Variants in ANO4 observed in about 807,000 individuals in gnomAD.
ANO4 encodes the protein anoctamin-4.
In ANO4, 69 loss-of-function variants were observed where a neutral mutation model predicts 141.9. The ratio of observed to expected loss-of-function variants is 0.49; its 90% CI spans 0.40 to 0.59. The LOEUF is 0.59. ANO4 is among the 20% of genes least tolerant of loss of function. The probability of loss-of-function intolerance (pLI) is 0.00; values close to 1 mark genes in which losing one functional copy is unlikely to be tolerated. For synonymous variants in ANO4, 350 were observed against 394.3 expected, an observed-to-expected ratio of 0.89 and a Z score of 1.33; for missense variants, 894 against 1,162.2, an observed-to-expected ratio of 0.77 and a Z score of 3.36.
At chr12:100,784,492 T>G (rs2033804314) in intron 3 of ANO4, among the ~76,000 whole-genome samples, 1 of 152,204 alleles carries the variant, frequency 6.6e-6, no homozygotes, top group Non-Finnish European at 1.5e-5. Context: ...TCCTCTCTCT[T>G]ATTGTTGTAA....
At chr12:101,004,146 C>G (rs2045771374) in intron 8 of ANO4, among the ~76,000 whole-genome samples, 1 of 53,098 alleles carries the variant, frequency 1.9e-5, no homozygotes, top group Admixed American at 1.8e-4. Context: ...AAAAAGGATA[C>G]TGTGGGGGAA....
intron 7 of ANO4, among the ~76,000 whole-genome samples, chr12:100,986,882 T>C (rs2044730905): frequency 6.6e-6 from 1 of 152,208 alleles, no homozygotes; most frequent in African/African-American, 2.4e-5. Flanking sequence ...AAACCACTTT[T>C]AGGATACTGT....
chr12:100,797,291 T>G (rs1777108816), intron 1 of ANO4, among the ~76,000 whole-genome samples: 1 of 151,540 alleles, frequency 6.6e-6, no homozygotes, highest in East Asian at 1.9e-4. Context: ...TTTTTTTTTT[T>G]GGTAAGGATT....
At chr12:100,863,697 G>A (rs2038602658) in intron 1 of ANO4, among the ~76,000 whole-genome samples, 2 of 152,162 alleles carry the variant, frequency 1.3e-5, no homozygotes, top group African/African-American at 4.8e-5. Context: ...AATAATTGTG[G>A]CAATTACTTA....
intron 1 of ANO4, among the ~76,000 whole-genome samples, chr12:100,820,335 C>T (rs7966442): frequency 0.2 from 28,150 of 141,052 alleles, 3,155 homozygotes; most frequent in African/African-American, 0.32. Flanking sequence ...CCATTCACCC[C>T]AGCAAGAAAG....
At chr12:101,094,358 CT>C (rs1335431249) in intron 18 of ANO4, 66 bp downstream of exon 18, 3 of 1,323,026 alleles carry the variant, frequency 2.3e-6, no homozygotes, top group Admixed American at 2.1e-5. Context: ...TCAAAGATTC[CT>C]TTCTCTAATA....
chr12:100,806,440 T>C (rs924096005), intron 1 of ANO4, among the ~76,000 whole-genome samples: 1 of 151,726 alleles, frequency 6.6e-6, no homozygotes, highest in Non-Finnish European at 1.5e-5. Flanking sequence ...TTCTATGAGC[T>C]AACTCTTTGT....
chr12:101,119,702 G>A (rs899017205), intron 25 of ANO4, among the ~76,000 whole-genome samples: 2 of 152,084 alleles, frequency 1.3e-5, no homozygotes, highest in African/African-American at 4.8e-5. Context: ...TCAGACAAAT[G>A]CATATACATA....
intron 1 of ANO4, among the ~76,000 whole-genome samples, chr12:100,871,485 C>T (rs114672130): frequency 0.015 from 2,336 of 152,280 alleles, 53 homozygotes; most frequent in African/African-American, 0.053. Context: ...TTTATATGCC[C>T]TTCTGTTATA....
chr12:100,765,379 CTTTTT>C (rs71091461), intron 3 of ANO4, among the ~76,000 whole-genome samples: 1 of 125,402 alleles, frequency 8.0e-6, no homozygotes, highest in Non-Finnish European at 1.6e-5. Context: ...TTCTTTCTTT[CTTTTT>C]TTTTTTTTTT....
At chr12:100,873,188 A>G (rs1309249909) in intron 1 of ANO4, among the ~76,000 whole-genome samples, 1 of 152,176 alleles carries the variant, frequency 6.6e-6, no homozygotes, top group Non-Finnish European at 1.5e-5. Context: ...CTTTATAGCA[A>G]TGTGAGAATA....
chr12:100,973,047 A>G (rs2044000798), intron 6 of ANO4, among the ~76,000 whole-genome samples: 1 of 152,254 alleles, frequency 6.6e-6, no homozygotes, highest in South Asian at 2.1e-4. Flanking sequence ...AAGCAATGAA[A>G]TGAAAATGAA....
In ANO4 at chr12:100,947,573, C is replaced by T. The variant is rs140847801; in HGVS notation, c.456+5038C>T. ...GTAGTTTGTTTCTGTTTGCACTCAT[C>T]TCTCAGAAGGAGTGAAAAATCCAAC... On this transcript the variant is annotated intron_variant, in intron 5 of 27. Transcript: ENST00000392977. Among the ~76,000 whole-genome samples the T allele has an allele frequency of 1.2e-4, 18 of 152,340 alleles. No individual in the cohort carries two copies. In the South Asian group the frequency reaches 2.3e-3, roughly 19 times the overall value.
At chr12:101,068,923 A>G (rs1304616252) in intron 14 of ANO4, 1 of 813,236 alleles carries the variant, frequency 1.2e-6, no homozygotes, top group Non-Finnish European at 2.2e-6. Context: ...CATGCTCAAC[A>G]TCGAAGCTGC....
chr12:101,088,945 A>T (rs2049624884), intron 17 of ANO4, among the ~76,000 whole-genome samples: 1 of 152,158 alleles, frequency 6.6e-6, no homozygotes, highest in Admixed American at 6.6e-5. Flanking sequence ...TAAGTAAAAC[A>T]ATGTACATAG....
At chr12:100,818,379 T>C (rs1565902945) in intron 1 of ANO4, among the ~76,000 whole-genome samples, 1 of 151,814 alleles carries the variant, frequency 6.6e-6, no homozygotes, top group African/African-American at 2.4e-5. Context: ...GTTGGCTAAG[T>C]TGAGGTCAAG....
chr12:101,075,184 T>A (rs1593200084), intron 14 of ANO4, among the ~76,000 whole-genome samples: 1 of 152,272 alleles, frequency 6.6e-6, no homozygotes, highest in Non-Finnish European at 1.5e-5. Context: ...GGAAAAACAT[T>A]ACTCGCTAAG....
At chr12:100,752,371 T>TAC (rs932616267) in intron 3 of ANO4, among the ~76,000 whole-genome samples, 3 of 152,048 alleles carry the variant, frequency 2.0e-5, no homozygotes, top group Non-Finnish European at 4.4e-5. Flanking sequence ...CTCTCCCTCT[T>TAC]ACACACACAC....
chr12:100,744,661 C>T (rs957805121), intron 3 of ANO4, among the ~76,000 whole-genome samples: 1 of 151,994 alleles, frequency 6.6e-6, no homozygotes, highest in Non-Finnish European at 1.5e-5. Context: ...TTGGGTTAAC[C>T]CCCTCATGCT....
Sources: gnomAD v4.1 joint callset for allele counts (sites outside exome capture counted in the v4.1 genomes callset) on GRCh38, gnomAD v4.1.1 for gene constraint, MANE v1.5 for transcripts, NCBI Gene and HGNC (gene_info 2026-07-23, HGNC 2026-07-21) for gene names.